The following VSTM1 variants were observed in gnomAD, a reference collection of about 807,000 sequenced individuals.
VSTM1 encodes V-set and transmembrane domain containing 1, also known as V-set and transmembrane domain-containing protein 1.
VSTM1 carries 27 observed loss-of-function variants against 33.1 expected under a neutral mutation model. The observed-to-expected ratio is 0.82, with a 90% CI of 0.60 to 1.12. The LOEUF is 1.12. Among genes scored for constraint, VSTM1 ranks in the 50% most tolerant of loss-of-function variants. The pLI, the probability that VSTM1 is intolerant of heterozygous loss-of-function variation, is 0.00. For missense variants in VSTM1, 304 were observed against 288.9 expected (o/e 1.05, Z -0.38); for synonymous variants, 115 against 110.3 (o/e 1.04, Z -0.27).
rs933373162 is a variant in VSTM1, at chr19:54,041,781, A to G, written c.589T>C (p.Ser197Pro). ...DLSNMERVSL[S>P]TADPQGVTYA... ...GACTCCTAAGCGGGAGGACTCACCGAGAGAGATACCCTTTCCATATTGGAT... is the reference window on the plus strand; with the variant it reads ...GACTCCTAAGCGGGAGGACTCACCGGGAGAGATACCCTTTCCATATTGGAT... Residue 197 changes from serine (S) to proline (P), a missense_variant and splice_region_variant, in exon 8 of 9, where the codon TCG becomes CCG. Ser to Pro is a moderately conservative substitution (Grantham distance 74). Transcript: ENST00000338372. The G allele has an allele frequency of 1.2e-5, 20 of 1,613,376 alleles. No individual in the cohort carries two copies. The highest frequency in any genetic ancestry group is 1.6e-5 in the Non-Finnish European group (19 of 1,179,868).
At chr19:54,050,968 C>T (rs909832512) in intron 4 of VSTM1, among the ~76,000 whole-genome samples, 3 of 150,046 alleles carry the variant, frequency 2.0e-5, no homozygotes, top group African/African-American at 7.4e-5. Flanking sequence ...CACTTCACGC[C>T]ACCCTGGGGG....
At chr19:54,052,497 A>G (rs117616400) in intron 3 of VSTM1, among the ~76,000 whole-genome samples, 4,110 of 142,642 alleles carry the variant, frequency 0.029, 737 homozygotes, top group Non-Finnish European at 0.046. Flanking sequence ...GCTTTTTTAG[A>G]CTACACATAT....
At chr19:54,056,214 CT>C (rs869203085) in intron 3 of VSTM1, among the ~76,000 whole-genome samples, 61 of 39,176 alleles carry the variant, frequency 1.6e-3, no homozygotes, top group Middle Eastern at 0.019. Flanking sequence ...CTTTTCTTTT[CT>C]TTTTTTTTTT....
At chr19:54,054,263 T>C (rs1326328345) in intron 3 of VSTM1, among the ~76,000 whole-genome samples, 1 of 141,684 alleles carries the variant, frequency 7.1e-6, no homozygotes, top group Non-Finnish European at 1.6e-5. Flanking sequence ...GAGAACATAA[T>C]TGGGAAATGG....
At position 54,058,428 on chromosome 19, in the gene VSTM1, T is replaced by C. The variant is rs2071216017; in HGVS notation, c.233A>G (p.Glu78Gly). The C allele has an allele frequency of 1.2e-6, 2 of 1,614,024 alleles. No homozygotes were observed. Among genetic ancestry groups the C allele is most frequent in the African/African-American group, 2.7e-5 (2 of 74,984 alleles). Reference protein sequence around the residue: ...YKQEQSSAENEAEFPFTDLKP... With the variant: ...YKQEQSSAENGAEFPFTDLKP... ...CAGGTCCGTGAAGGGGAATTCAGCT[T>C]CGTTTTCTGCCGAGCTCTGTTCCTG... Residue 78 changes from glutamate to glycine, a missense_variant, in exon 3 of 9, where the codon GAA (glutamate) becomes GGA (glycine). Physicochemically the swap from Glu to Gly is moderately conservative, Grantham distance 98. Coordinates refer to ENST00000338372, the MANE Select transcript of VSTM1 (RefSeq NM_198481.4).
intron 1 of VSTM1, among the ~76,000 whole-genome samples, chr19:54,060,517 G>A (rs1042172394): frequency 2.6e-5 from 4 of 152,134 alleles, no homozygotes; most frequent in Admixed American, 6.6e-5. Context: ...ACGATGGACC[G>A]AAGCTGCGTT....
At chr19:54,043,209 G>A (rs571183547) in intron 4 of VSTM1, among the ~76,000 whole-genome samples, 13 of 152,044 alleles carry the variant, frequency 8.6e-5, no homozygotes, top group African/African-American at 3.1e-4. Flanking sequence ...ATCAGTTGAA[G>A]ACTTTAAGAC....
chr19:54,056,209 CTTTTCTTTTTTTTTTTTT>C (rs2071086179), intron 3 of VSTM1, among the ~76,000 whole-genome samples: 1 of 46,484 alleles, frequency 2.2e-5, no homozygotes, highest in African/African-American at 7.1e-5. Context: ...CTTTTCTTTT[CTTTTCTTTTTTTTTTTTT>C]TTTTTTTTTT....
At chr19:54,041,699 T>C (rs2070279172) in intron 8 of VSTM1, 80 bp downstream of exon 8, 2 of 1,453,338 alleles carry the variant, frequency 1.4e-6, no homozygotes, top group African/African-American at 1.4e-5. Flanking sequence ...CATTTCTGTA[T>C]GGGCTTAACC....
intron 1 of VSTM1, among the ~76,000 whole-genome samples, chr19:54,059,649 G>A (rs2071287557): frequency 6.7e-6 from 1 of 149,414 alleles, no homozygotes. Flanking sequence ...TTTTGTTGTT[G>A]TTGTTGTAGA....
At chr19:54,054,049 C>A in intron 3 of VSTM1, among the ~76,000 whole-genome samples, 1 of 139,868 alleles carries the variant, frequency 7.1e-6, no homozygotes, top group South Asian at 2.4e-4. Flanking sequence ...ATTTATATGC[C>A]CATTTTGTAA....
chr19:54,063,894 AGAG>A lies in VSTM1; in HGVS notation c.-120_-118del, dbSNP rs2071522716. On this transcript the variant is annotated 5_prime_UTR_variant, in exon 1 of 9. Transcript: ENST00000338372. ...CGGTTCGTCCCCAGGATGTGCAGAT[AGAG>A]GAGGTTTTGCTCTGACACTCTGGTT... 9 of 1,144,604 alleles carry A rather than the reference AGAG, an allele frequency of 7.9e-6. No homozygotes were observed. The South Asian group carries it at 1.4e-4, about 17-fold the overall frequency. 70.9% of individuals were successfully genotyped at this position (1,144,604 alleles called of 1,614,324 possible). A position where few individuals can be genotyped will look rare whatever the true frequency, so the allele number is the denominator to read the frequency against.
At chr19:54,054,844 G>A in intron 3 of VSTM1, among the ~76,000 whole-genome samples, 1 of 84,220 alleles carries the variant, frequency 1.2e-5, no homozygotes, top group Admixed American at 1.3e-4. Flanking sequence ...TTAATGGATA[G>A]ATGAATGGAT....
chr19:54,053,245 C>G lies in VSTM1; in HGVS notation c.356-1797G>C, dbSNP rs768015360. 1.4e-5 allele frequency among the ~76,000 whole-genome samples: 2 copies of G among 141,186 alleles called. 1 individual carries two copies. The highest frequency in any genetic ancestry group is 5.2e-5 in the African/African-American group (2 of 38,232). 92.6% of individuals were successfully genotyped at this position (141,186 alleles called of 152,430 possible). Reference sequence around the variant, plus strand: ...CCCTGGAGGGCTGTTCTCCAGATATCGGTGTGGTTGGGTCATTCTCATCCT... The same window carrying G: ...CCCTGGAGGGCTGTTCTCCAGATATGGGTGTGGTTGGGTCATTCTCATCCT... On this transcript the variant is annotated intron_variant, in intron 3 of 8. Transcript: ENST00000338372.
chr19:54,062,017 A>G (rs1326576974), intron 1 of VSTM1, among the ~76,000 whole-genome samples: 2 of 151,858 alleles, frequency 1.3e-5, no homozygotes, highest in African/African-American at 4.8e-5. Context: ...TTAGCCAGGC[A>G]TGGTGGTCCA....
At chr19:54,059,105 G>A (rs1444597262) in intron 1 of VSTM1, among the ~76,000 whole-genome samples, 1 of 145,578 alleles carries the variant, frequency 6.9e-6, no homozygotes, top group Non-Finnish European at 1.5e-5. Flanking sequence ...CTGTTGCACA[G>A]GCTGGAGTGC....
At chr19:54,063,607 GCC>G in intron 1 of VSTM1, 135 bp downstream of exon 1, 1 of 1,107,242 alleles carries the variant, frequency 9.0e-7, no homozygotes, top group Middle Eastern at 2.0e-4. Flanking sequence ...AGAACCCACA[GCC>G]CAGACCCACC....
chr19:54,050,350 G>A lies in VSTM1; in HGVS notation c.394+1060C>T, dbSNP rs542867896. 2.0e-5 allele frequency among the ~76,000 whole-genome samples: 3 copies of A among 151,954 alleles called. No individual in the cohort carries two copies. In the East Asian group the frequency reaches 5.8e-4, roughly 29 times the overall value. On this transcript the variant is annotated intron_variant, in intron 4 of 8. Coordinates refer to ENST00000338372, the MANE Select transcript of VSTM1 (RefSeq NM_198481.4). The stretch of plus-strand genomic sequence containing the variant: ...TCTGAGGACAGAATCTTAGTCAATT[G>A]TTAATGAATAAGCAACATTAGAAAA...
chr19:54,044,609 C>T lies in VSTM1; in HGVS notation c.395-2240G>A, dbSNP rs371322485. Among the ~76,000 whole-genome samples the T allele has an allele frequency of 2.1e-4, 32 of 152,166 alleles. No individual in the cohort carries two copies. In the South Asian group the frequency reaches 6.2e-3, roughly 30 times the overall value. Reference sequence around the variant, plus strand: ...ATTTCTACCAATTAAAAAACAAAAACAAAACAAAACAAAAAAAACTAGTTC... The same window carrying T: ...ATTTCTACCAATTAAAAAACAAAAATAAAACAAAACAAAAAAAACTAGTTC... On this transcript the variant is annotated intron_variant, in intron 4 of 8. Coordinates refer to ENST00000338372, the MANE Select transcript of VSTM1 (RefSeq NM_198481.4).
Sources: gnomAD v4.1 joint callset for allele counts (sites outside exome capture counted in the v4.1 genomes callset) on GRCh38, gnomAD v4.1.1 for gene constraint, MANE v1.5 for transcripts, NCBI Gene and HGNC (gene_info 2026-07-23, HGNC 2026-07-21) for gene names.